ADAMTSL1: variants seen among roughly 807,000 people sequenced by gnomAD.
ADAMTSL1 encodes the protein ADAMTS like 1, also known as ADAMTS-like protein 1.
A neutral mutation model predicts 201.8 loss-of-function variants in ADAMTSL1; 126 were observed. That is an observed-to-expected ratio of 0.62 (90% CI 0.54 to 0.72). The LOEUF (loss-of-function observed/expected upper bound fraction) is 0.72. ADAMTSL1 is among the 30% of genes least tolerant of loss of function. The probability of loss-of-function intolerance (pLI) is 0.00; values close to 1 mark genes in which losing one functional copy is unlikely to be tolerated. For missense variants in ADAMTSL1, 2,679 were observed against 2,277.8 expected, an observed-to-expected ratio of 1.18 and a Z score of -3.59; for synonymous variants, 1,121 against 903.4, an observed-to-expected ratio of 1.24 and a Z score of -4.32.
chr9:17,913,069 A>G (rs2131271350), intron 1 of ADAMTSL1, among the ~76,000 whole-genome samples: 1 of 152,274 alleles, frequency 6.6e-6, no homozygotes, highest in South Asian at 2.1e-4. Flanking sequence ...CTGTTTTGGT[A>G]CCAGTACCAT....
intron 2 of ADAMTSL1, among the ~76,000 whole-genome samples, chr9:18,193,189 G>A (rs1829040024): frequency 2.6e-5 from 4 of 152,096 alleles, no homozygotes; most frequent in African/African-American, 9.7e-5. Flanking sequence ...TTTCAAGATT[G>A]TATTCAAACT....
intron 2 of ADAMTSL1, among the ~76,000 whole-genome samples, chr9:18,339,507 G>A (rs926371487): frequency 6.6e-6 from 1 of 152,134 alleles, no homozygotes; most frequent in Non-Finnish European, 1.5e-5. Context: ...TTGTTGGTGG[G>A]AATGTAAATT....
At chr9:18,030,789 A>G (rs1490396697) in intron 1 of ADAMTSL1, among the ~76,000 whole-genome samples, 2 of 152,146 alleles carry the variant, frequency 1.3e-5, no homozygotes, top group Non-Finnish European at 2.9e-5. Flanking sequence ...CTTCTCTCTC[A>G]GGAATGCCAA....
At chr9:18,556,909 G>T (rs964378007) in intron 3 of ADAMTSL1, among the ~76,000 whole-genome samples, 1 of 152,048 alleles carries the variant, frequency 6.6e-6, no homozygotes. Flanking sequence ...CCAAATCTAT[G>T]ATGTGATGAA....
chr9:17,940,903 A>C (rs1827216564), intron 1 of ADAMTSL1, among the ~76,000 whole-genome samples: 1 of 147,098 alleles, frequency 6.8e-6, no homozygotes, highest in Non-Finnish European at 1.5e-5. Context: ...GAAAATTCTT[A>C]AGGACTGTAT....
At chr9:18,125,141 TCA>T (rs1370710261) in intron 1 of ADAMTSL1, among the ~76,000 whole-genome samples, 1 of 152,184 alleles carries the variant, frequency 6.6e-6, no homozygotes, top group Non-Finnish European at 1.5e-5. Flanking sequence ...TTAACTGGAC[TCA>T]CAGTTCCATG....
intron 1 of ADAMTSL1, among the ~76,000 whole-genome samples, chr9:18,049,619 C>CTTTTTTT (rs61679017): frequency 1.4e-5 from 2 of 143,738 alleles, no homozygotes; most frequent in Non-Finnish European, 3.0e-5. Flanking sequence ...ACTTCTTATT[C>CTTTTTTT]TTTTTTTTTT....
intron 19 of ADAMTSL1, among the ~76,000 whole-genome samples, chr9:18,783,994 A>G (rs940607415): frequency 6.6e-6 from 1 of 152,206 alleles, no homozygotes; most frequent in Non-Finnish European, 1.5e-5. Context: ...TAAAGTCCGG[A>G]TGCCTTGGCT....
chr9:18,158,685 T>C (rs1273231038), intron 1 of ADAMTSL1, among the ~76,000 whole-genome samples: 1 of 152,072 alleles, frequency 6.6e-6, no homozygotes, highest in East Asian at 1.9e-4. Context: ...AGAATCTATT[T>C]ATAAAATTTA....
At chr9:17,988,285 T>C (rs116248269) in intron 1 of ADAMTSL1, among the ~76,000 whole-genome samples, 1 of 152,136 alleles carries the variant, frequency 6.6e-6, no homozygotes, top group East Asian at 1.9e-4. Flanking sequence ...GACCTGATTA[T>C]GAGTTCACAT....
rs376909444 is a variant in ADAMTSL1 at position 18,252,256 on chromosome 9, A to G, written c.207+88275A>G. On this transcript the variant is annotated intron_variant, in intron 2 of 29. Transcript: ENST00000680146. Reference sequence around the variant, plus strand: ...AACTCAGTAGAAAAATAGGCAAATAATTCGAAAGTGGAATCCAAATGGCCT... The same window carrying G: ...AACTCAGTAGAAAAATAGGCAAATAGTTCGAAAGTGGAATCCAAATGGCCT... Among the ~76,000 whole-genome samples the G allele has an allele frequency of 8.5e-5, 13 of 152,286 alleles. No homozygotes were observed. In the South Asian group the frequency reaches 2.7e-3, roughly 32 times the overall value.
chr9:18,700,684 A>G (rs1298683901), intron 13 of ADAMTSL1, among the ~76,000 whole-genome samples: 1 of 152,204 alleles, frequency 6.6e-6, no homozygotes, highest in Non-Finnish European at 1.5e-5. Context: ...TTTTACCAGT[A>G]AAGTATGTAA....
At position 18,312,991 on chromosome 9, in the gene ADAMTSL1, G is replaced by A. The variant is rs144876467; in HGVS notation, c.207+149010G>A. 1.0e-3 allele frequency among the ~76,000 whole-genome samples: 153 copies of A among 152,314 alleles called. 1 individual carries two copies. The highest frequency in any genetic ancestry group is 3.1e-3 in the African/African-American group (129 of 41,568). ...CTGGATTAAAAGTATAGTCTGTGGA[G>A]ATAATAAAGGTTCTTCTTTTATACA... On this transcript the variant is annotated intron_variant, in intron 2 of 29. Coordinates refer to the ADAMTSL1 transcript ENST00000680146.
intron 2 of ADAMTSL1, among the ~76,000 whole-genome samples, chr9:18,249,325 T>A (rs1030918260): frequency 1.3e-5 from 2 of 152,238 alleles, no homozygotes; most frequent in African/African-American, 4.8e-5. Context: ...TTTTTAATGG[T>A]TTGAGTCTCA....
At chr9:18,184,380 A>G (rs1364726367) in intron 2 of ADAMTSL1, among the ~76,000 whole-genome samples, 1 of 152,190 alleles carries the variant, frequency 6.6e-6, no homozygotes, top group Non-Finnish European at 1.5e-5. Context: ...TCTCAAGTTT[A>G]TCTAGGATTA....
intron 1 of ADAMTSL1, among the ~76,000 whole-genome samples, chr9:18,037,145 C>T (rs899313439): frequency 5.3e-5 from 8 of 152,162 alleles, no homozygotes; most frequent in African/African-American, 1.9e-4. Context: ...TCAGTTTGCA[C>T]TCATGAAACT....
chr9:18,162,220 C>A (rs1363350479), intron 1 of ADAMTSL1, among the ~76,000 whole-genome samples: 1 of 151,968 alleles, frequency 6.6e-6, no homozygotes, highest in Admixed American at 6.6e-5. Flanking sequence ...CATCTTCAAG[C>A]CAGCAGTGGC....
intron 2 of ADAMTSL1, among the ~76,000 whole-genome samples, chr9:18,436,564 TC>T (rs1192882823): frequency 6.6e-6 from 1 of 152,172 alleles, no homozygotes; most frequent in African/African-American, 2.4e-5. Context: ...TCTCTGCACT[TC>T]CCCAATTGCC....
intron 2 of ADAMTSL1, among the ~76,000 whole-genome samples, chr9:18,257,283 T>C (rs991439062): frequency 2.0e-5 from 3 of 152,198 alleles, no homozygotes; most frequent in African/African-American, 7.2e-5. Flanking sequence ...TGCTACAGAA[T>C]GGAGGAGATC....
Sources: gnomAD v4.1 joint callset for allele counts (sites outside exome capture counted in the v4.1 genomes callset) on GRCh38, gnomAD v4.1.1 for gene constraint, MANE v1.5 for transcripts, NCBI Gene and HGNC (gene_info 2026-07-23, HGNC 2026-07-21) for gene names.